VPS13A: variants seen among roughly 807,000 people sequenced by gnomAD.
The protein encoded by VPS13A is intermembrane lipid transfer protein VPS13A.
Under a neutral mutation model 390.9 loss-of-function variants are expected in VPS13A, and 264 were observed. The ratio of observed to expected loss-of-function variants is 0.68; its 90% CI spans 0.61 to 0.75. The LOEUF is 0.75. Among genes scored for constraint, VPS13A ranks in the 30% least tolerant of loss-of-function variants. VPS13A has a pLI of 0.00. For missense variants in VPS13A, 3,409 were observed against 3,733.9 expected (o/e 0.91, Z 2.27); for synonymous variants, 1,231 against 1,227.1 (o/e 1.00, Z -0.07).
intron 41 of VPS13A, among the ~76,000 whole-genome samples, chr9:77,318,883 A>C (rs756990785): frequency 5.3e-5 from 8 of 152,124 alleles, no homozygotes; most frequent in Admixed American, 2.6e-4. Flanking sequence ...GATTAGATTC[A>C]GAATATTTTT....
At chr9:77,397,644 C>T (rs970261349) in intron 68 of VPS13A, among the ~76,000 whole-genome samples, 2 of 152,164 alleles carry the variant, frequency 1.3e-5, no homozygotes, top group Admixed American at 6.5e-5. Context: ...CTCTGTCCTT[C>T]AAGTTCCACT....
intron 17 of VPS13A, among the ~76,000 whole-genome samples, chr9:77,234,405 A>G (rs1824013684): frequency 6.6e-6 from 1 of 152,186 alleles, no homozygotes; most frequent in Admixed American, 6.5e-5. Flanking sequence ...TGCATGCAGT[A>G]TATTTTTTCA....
rs776796376 is a variant in VPS13A, at chr9:77,314,525, C to G, written c.4273C>G (p.Leu1425Val). Residue 1425 changes from leucine (L) to valine (V), a missense_variant, in exon 37 of 72, where the codon CTG becomes GTG. Around this residue, in one of 5 missense-constraint regions of VPS13A, gnomAD observed 2,717 missense variants for 2,917.4 expected, o/e 0.93. Coordinates refer to ENST00000360280, the MANE Select transcript of VPS13A (RefSeq NM_033305.3). Reference protein sequence around the residue: ...ASFTDVRDPSLKLAEFKLENI... With the variant: ...ASFTDVRDPSVKLAEFKLENI... ...CTTTACAGATGTTCGTGATCCTTCTCTGAAACTTGCTGAATTTAAATTGGA... is the reference window on the plus strand; with the variant it reads ...CTTTACAGATGTTCGTGATCCTTCTGTGAAACTTGCTGAATTTAAATTGGA... 7.4e-6 allele frequency: 12 copies of G among 1,612,356 alleles called. No homozygotes were observed. Among genetic ancestry groups the G allele is most frequent in the Non-Finnish European group, 9.3e-6 (11 of 1,179,366 alleles).
intron 68 of VPS13A, chr9:77,395,649 A>G (rs952049949): frequency 6.6e-6 from 1 of 152,154 alleles, no homozygotes; most frequent in African/African-American, 2.4e-5. Flanking sequence ...ATAAAATTAG[A>G]TATGCCTGTA....
chr9:77,250,349 T>TTA (rs1825084356), intron 21 of VPS13A, 120 bp downstream of exon 21: 1 of 1,234,954 alleles, frequency 8.1e-7, no homozygotes, highest in African/African-American at 1.5e-5. Flanking sequence ...GAATTAGAAA[T>TTA]GATAGTAAAT....
Position 77,323,068 on chromosome 9 carries a change from A to G in VPS13A, c.5832A>G (p.Thr1944=), listed in dbSNP as rs529389287. Residue 1944 remains threonine (T), a splice_region_variant and synonymous_variant, in exon 45 of 72, where the codon ACA becomes ACG. Coordinates refer to ENST00000360280, the MANE Select transcript of VPS13A (RefSeq NM_033305.3). Reference sequence around the variant, plus strand: ...TTTAAACATACTTACTTAATTTAGCACCTGTTAACCATTCTACTGCTGATA... The same window carrying G: ...TTTAAACATACTTACTTAATTTAGCGCCTGTTAACCATTCTACTGCTGATA... ...LSSKLFFILL[T]PVNHSTADKI... is the part of the protein sequence containing the mutation. 3.1e-6 allele frequency: 5 copies of G among 1,609,294 alleles called. No homozygotes were observed. In the African/African-American group the frequency reaches 4.0e-5, roughly 13 times the overall value.
chr9:77,241,876 C>A (rs1384970078), intron 19 of VPS13A, among the ~76,000 whole-genome samples: 1 of 152,086 alleles, frequency 6.6e-6, no homozygotes, highest in Non-Finnish European at 1.5e-5. Flanking sequence ...TTCTCACAGC[C>A]TTTGTTTGCA....
At chr9:77,267,929 G>A (rs1446972915) in intron 23 of VPS13A, among the ~76,000 whole-genome samples, 3 of 152,174 alleles carry the variant, frequency 2.0e-5, no homozygotes, top group Non-Finnish European at 2.9e-5. Context: ...AGTGGGCTCC[G>A]CCCAATTTGA....
intron 22 of VPS13A, among the ~76,000 whole-genome samples, chr9:77,256,084 G>A (rs1469510367): frequency 1.3e-5 from 2 of 151,708 alleles, no homozygotes; most frequent in Non-Finnish European, 2.9e-5. Context: ...TGTAAAGTTA[G>A]GCTATTGATT....
chr9:77,371,100 A>C lies in VPS13A; in HGVS notation c.9028A>C (p.Thr3010Pro), dbSNP rs759236506. The C allele has an allele frequency of 6.2e-7, 1 of 1,614,148 alleles. No individual in the cohort carries two copies. The highest frequency in any genetic ancestry group is 2.2e-5 in the East Asian group (1 of 44,886). ...KGLVGAVARP[T>P]GGIIDMASST... The stretch of plus-strand genomic sequence containing the variant: ...TTTAGTAGGAGCGGTAGCAAGGCCA[A>C]CTGGAGGCATCATAGACATGGCTAG... The change falls in exon 67 of 72, where the codon ACT becomes CCT. Residue 3010 changes from threonine to proline, a missense_variant. By Grantham distance (38) the Thr-to-Pro change is conservative. This residue lies in a region of VPS13A where 318 missense variants were observed against 333.7 expected (regional missense o/e 0.95). Coordinates refer to ENST00000360280, the MANE Select transcript of VPS13A (RefSeq NM_033305.3).
chr9:77,390,401 A>G (rs564933963), intron 68 of VPS13A, among the ~76,000 whole-genome samples: 7 of 152,260 alleles, frequency 4.6e-5, no homozygotes, highest in Admixed American at 1.3e-4. Flanking sequence ...ATTATTTCCA[A>G]AGGCCCAAAT....
At chr9:77,226,138 T>A (rs1823494582) in intron 14 of VPS13A, 150 bp downstream of exon 14, 10 of 696,566 alleles carry the variant, frequency 1.4e-5, no homozygotes, top group Non-Finnish European at 2.0e-5. Flanking sequence ...ATTTAATATT[T>A]TTTGGCACAT....
chr9:77,223,889 A>G (rs1823361764), intron 13 of VPS13A, among the ~76,000 whole-genome samples: 1 of 152,150 alleles, frequency 6.6e-6, no homozygotes, highest in South Asian at 2.1e-4. Context: ...AGCTAGAGTG[A>G]AAAAGTTAAT....
chr9:77,252,348 C>A lies in VPS13A; in HGVS notation c.2284C>A (p.Pro762Thr), dbSNP rs1180899441. ...CATGGTTTTCATGGATGTAAGGATG[C>A]CCAAGTATGTACTGTTTGTTTCATG... ...KAMVFMDVRM[P>T]KFKIYGKLPL... Residue 762 changes from proline (P) to threonine (T), a missense_variant, in exon 22 of 72, where the codon CCC (proline) becomes ACC (threonine). Pro to Thr is a conservative substitution (Grantham distance 38). This residue lies in a region of VPS13A where 2,717 missense variants were observed against 2,917.4 expected (regional missense o/e 0.93). Coordinates refer to ENST00000360280, the MANE Select transcript of VPS13A (RefSeq NM_033305.3). 1.9e-6 allele frequency: 3 copies of A among 1,608,060 alleles called. No individual in the cohort carries two copies. Among genetic ancestry groups the A allele is most frequent in the Non-Finnish European group, 2.6e-6 (3 of 1,174,764 alleles).
chr9:77,220,359 C>T lies in VPS13A; in HGVS notation c.965C>T (p.Pro322Leu), dbSNP rs1232026292. The change falls in exon 12 of 72, where the codon CCT becomes CTT. Residue 322 changes from proline to leucine, a missense_variant. Physicochemically the swap from Pro to Leu is moderately conservative, Grantham distance 98. Transcript: ENST00000360280. ...LPYRKFKPDV[P>L]LHHHAREWWA... ...TATAGGAAGTTCAAACCTGATGTGC[C>T]TCTTCACCACCATGCCAGAGAATGG... The T allele has an allele frequency of 2.5e-6, 4 of 1,610,386 alleles. No homozygotes were observed. Among genetic ancestry groups the T allele is most frequent in the Admixed American group, 1.7e-5 (1 of 59,814 alleles).
intron 1 of VPS13A, among the ~76,000 whole-genome samples, chr9:77,190,746 CAGAA>C (rs1824628272): frequency 1.3e-5 from 2 of 152,086 alleles, no homozygotes; most frequent in African/African-American, 4.8e-5. Context: ...TATACAATTT[CAGAA>C]CTCATTATTG....
chr9:77,309,488 T>A (rs1435837078), intron 35 of VPS13A, among the ~76,000 whole-genome samples: 1 of 152,234 alleles, frequency 6.6e-6, no homozygotes, highest in Non-Finnish European at 1.5e-5. Flanking sequence ...TTACCAAACC[T>A]ATGTTTGGAT....
At chr9:77,240,788 A>T (rs1368756096) in intron 19 of VPS13A, among the ~76,000 whole-genome samples, 3 of 152,052 alleles carry the variant, frequency 2.0e-5, no homozygotes, top group Non-Finnish European at 2.9e-5. Flanking sequence ...TTAGCTTGAC[A>T]TGATACTACT....
chr9:77,306,419 T>A (rs1179254463), intron 34 of VPS13A, among the ~76,000 whole-genome samples: 1 of 140,976 alleles, frequency 7.1e-6, no homozygotes, highest in Non-Finnish European at 1.5e-5. Context: ...TGTGTTTGTG[T>A]GTGTGTGTGT....
Sources: allele counts gnomAD v4.1 joint callset (sites outside exome capture counted in the v4.1 genomes callset), GRCh38; gene constraint gnomAD v4.1.1; regional missense constraint gnomAD v4.1.1; transcripts MANE v1.5; gene names NCBI Gene and HGNC (gene_info 2026-07-23, HGNC 2026-07-21).